The following LY96 variants were observed in gnomAD, a reference collection of about 807,000 sequenced individuals.
LY96 encodes the protein lymphocyte antigen 96, also known as myeloid differentiation protein-2.
LY96 carries 18 observed loss-of-function variants against 18.9 expected under a neutral mutation model. That is an observed-to-expected ratio of 0.95 (90% confidence interval 0.66 to 1.41). The LOEUF (loss-of-function observed/expected upper bound fraction) is 1.41. LY96 is among the 40% of genes most tolerant of loss of function. LY96 has a pLI of 0.00. For missense variants in LY96, 175 were observed against 182.4 expected, an observed-to-expected ratio of 0.96 and a Z score of 0.23; for synonymous variants, 66 against 62.6, an observed-to-expected ratio of 1.06 and a Z score of -0.26.
At chr8:74,028,276 T>C (rs7820086) in intron 4 of LY96, among the ~76,000 whole-genome samples, 27,319 of 152,202 alleles carry the variant, frequency 0.18, 2,782 homozygotes, top group African/African-American at 0.29. Flanking sequence ...TTCTGTAGAC[T>C]ATGGAAAAAT....
intron 1 of LY96, among the ~76,000 whole-genome samples, chr8:73,997,606 A>C (rs1816177670): frequency 6.6e-6 from 1 of 152,182 alleles, no homozygotes. Context: ...CTAGAATTAC[A>C]GTCTAATTAG....
chr8:74,043,875 C>T, the LY96 span, among the ~76,000 whole-genome samples: 1 of 152,040 alleles, frequency 6.6e-6, no homozygotes, highest in Admixed American at 6.5e-5. Flanking sequence ...TGGCTGTTAC[C>T]CAGGCTGAAA....
chr8:74,006,779 A>G (rs942717764), intron 2 of LY96, among the ~76,000 whole-genome samples: 1 of 152,254 alleles, frequency 6.6e-6, no homozygotes, highest in Non-Finnish European at 1.5e-5. Flanking sequence ...GATGATTTAC[A>G]TAATGAATAA....
At chr8:74,098,616 C>A in the LY96 span, among the ~76,000 whole-genome samples, 3 of 152,268 alleles carry the variant, frequency 2.0e-5, no homozygotes, top group Admixed American at 6.5e-5. Flanking sequence ...GTGATCCACC[C>A]ACCTTGGCCT....
chr8:74,024,910 C>A (rs1383975291), intron 3 of LY96, among the ~76,000 whole-genome samples: 3 of 152,196 alleles, frequency 2.0e-5, no homozygotes, highest in Admixed American at 1.3e-4. Context: ...TCACTGTAGC[C>A]TCTACCTACT....
the LY96 span, among the ~76,000 whole-genome samples, chr8:74,043,045 G>A: frequency 1.3e-5 from 2 of 152,176 alleles, no homozygotes; most frequent in Non-Finnish European, 2.9e-5. Context: ...AAAGTGCTGG[G>A]ATTACAGGCA....
the LY96 span, among the ~76,000 whole-genome samples, chr8:74,044,185 T>A: frequency 6.6e-6 from 1 of 151,292 alleles, no homozygotes; most frequent in Middle Eastern, 3.4e-3. Context: ...ATAAAAAAAA[T>A]TTTCTTTTTC....
chr8:74,078,281 A>C, the LY96 span, among the ~76,000 whole-genome samples: 4 of 152,124 alleles, frequency 2.6e-5, no homozygotes, highest in Non-Finnish European at 4.4e-5. Flanking sequence ...CTTTCAGTGG[A>C]GTGTGAGGAT....
At chr8:74,026,505 A>G (rs1046067025) in intron 3 of LY96, among the ~76,000 whole-genome samples, 3 of 152,216 alleles carry the variant, frequency 2.0e-5, no homozygotes, top group Non-Finnish European at 4.4e-5. Context: ...TCTGAAGCAT[A>G]TTAGCACTAG....
At chr8:74,012,899 T>C (rs1362543399) in intron 3 of LY96, among the ~76,000 whole-genome samples, 3 of 152,084 alleles carry the variant, frequency 2.0e-5, no homozygotes, top group Non-Finnish European at 4.4e-5. Context: ...TAGAACTATA[T>C]GTTATTGGTT....
chr8:74,061,140 C>T, the LY96 span, among the ~76,000 whole-genome samples: 4 of 152,274 alleles, frequency 2.6e-5, no homozygotes, highest in South Asian at 4.1e-4. Flanking sequence ...GCCACCTGAT[C>T]GCTGTTATAG....
the LY96 span, among the ~76,000 whole-genome samples, chr8:74,053,207 T>C: frequency 6.6e-6 from 1 of 152,218 alleles, no homozygotes; most frequent in Admixed American, 6.5e-5. Flanking sequence ...GATACATGAC[T>C]TCGCCATGTG....
chr8:74,059,487 A>G, the LY96 span, among the ~76,000 whole-genome samples: 24 of 152,362 alleles, frequency 1.6e-4, no homozygotes, highest in Non-Finnish European at 3.1e-4. Context: ...TGTACTACTG[A>G]CACAGAATAG....
chr8:74,070,300 C>T, the LY96 span, among the ~76,000 whole-genome samples: 3 of 152,044 alleles, frequency 2.0e-5, no homozygotes, highest in African/African-American at 7.2e-5. Flanking sequence ...ACCACATTAG[C>T]CAGGACGGTC....
intron 3 of LY96, among the ~76,000 whole-genome samples, chr8:74,023,390 G>A (rs1316558139): frequency 6.6e-6 from 1 of 152,248 alleles, no homozygotes; most frequent in Non-Finnish European, 1.5e-5. Context: ...CAGGTAGTGT[G>A]TGGAGGTATT....
chr8:74,057,469 T>C, the LY96 span, among the ~76,000 whole-genome samples: 2 of 152,214 alleles, frequency 1.3e-5, no homozygotes, highest in African/African-American at 4.8e-5. Flanking sequence ...TGGAAGGTCA[T>C]TTAAATTTGA....
chr8:74,080,721 G>C, the LY96 span, among the ~76,000 whole-genome samples: 1 of 152,190 alleles, frequency 6.6e-6, no homozygotes, highest in African/African-American at 2.4e-5. Flanking sequence ...GGGTAGAATT[G>C]CAAAGGATGG....
the LY96 span, among the ~76,000 whole-genome samples, chr8:74,048,081 G>T: frequency 6.6e-6 from 1 of 151,934 alleles, no homozygotes; most frequent in African/African-American, 2.4e-5. Flanking sequence ...TTTGGGTGAG[G>T]GTCTGCCTAT....
At chr8:74,081,087 C>CTCTTTCTTTATT in the LY96 span, among the ~76,000 whole-genome samples, 1 of 92,954 alleles carries the variant, frequency 1.1e-5, no homozygotes, top group Non-Finnish European at 2.0e-5. Flanking sequence ...TTCTCTTTCT[C>CTCTTTCTTTATT]TCTTTCTTTC....
Sources: allele counts gnomAD v4.1 joint callset (sites outside exome capture counted in the v4.1 genomes callset), GRCh38; gene constraint gnomAD v4.1.1; transcripts MANE v1.5; gene names NCBI Gene and HGNC (gene_info 2026-07-23, HGNC 2026-07-21).